The following SLC35D1 variants were observed in gnomAD, a reference collection of about 807,000 sequenced individuals.
SLC35D1 encodes solute carrier family 35 member D1, also known as nucleotide sugar transporter SLC35D1.
A neutral mutation model predicts 46.7 loss-of-function variants in SLC35D1; 31 were observed. That is an observed-to-expected ratio of 0.66 (90% confidence interval 0.50 to 0.90). The LOEUF (loss-of-function observed/expected upper bound fraction) is 0.90, where lower values mean the gene tolerates loss of function less well. Ranked by LOEUF, SLC35D1 falls within the 40% of genes least tolerant of loss-of-function variation. SLC35D1 has a pLI of 0.00. For synonymous variants in SLC35D1, 195 were observed against 164.6 expected, an observed-to-expected ratio of 1.18 and a Z score of -1.41; for missense variants, 397 against 426.2, an observed-to-expected ratio of 0.93 and a Z score of 0.60.
At chr1:66,986,233 A>G in the SLC35D1 span, 5 of 1,322,102 alleles carry the variant, frequency 3.8e-6, no homozygotes, top group South Asian at 2.3e-5. Context: ...CACAATAATC[A>G]TTGCTCTGTG....
At chr1:67,015,727 T>C (rs566870498) in intron 10 of SLC35D1, among the ~76,000 whole-genome samples, 1 of 152,164 alleles carries the variant, frequency 6.6e-6, no homozygotes, top group Non-Finnish European at 1.5e-5. Context: ...GTACTATTGA[T>C]AAAAAATAAT....
At chr1:66,977,984 G>C in the SLC35D1 span, among the ~76,000 whole-genome samples, 3 of 151,976 alleles carry the variant, frequency 2.0e-5, no homozygotes, top group Non-Finnish European at 2.9e-5. Context: ...GGATCACAAG[G>C]TCAGGAGTTT....
chr1:67,051,588 A>C (rs1645309392), intron 4 of SLC35D1, among the ~76,000 whole-genome samples: 1 of 152,206 alleles, frequency 6.6e-6, no homozygotes, highest in African/African-American at 2.4e-5. Flanking sequence ...TCACATTAAA[A>C]GAAAAACTGC....
the SLC35D1 span, chr1:66,986,532 G>A: frequency 7.7e-7 from 1 of 1,294,942 alleles, no homozygotes; most frequent in Non-Finnish European, 1.1e-6. Context: ...GTGAAGGTTT[G>A]CACTGAGAAA....
In SLC35D1 at chr1:67,021,754, C is replaced by T. The variant is rs996977539; in HGVS notation, c.730-152G>A. Reference sequence around the variant, plus strand: ...ACACACACACACACACACACACACACACACAGGTATATGTTTCCCTGAATT... The same window carrying T: ...ACACACACACACACACACACACACATACACAGGTATATGTTTCCCTGAATT... On this transcript the variant is annotated intron_variant, in intron 8 of 11. Coordinates refer to ENST00000235345, the MANE Select transcript of SLC35D1 (RefSeq NM_015139.3). 40 of 702,050 alleles carry T rather than the reference C, an allele frequency of 5.7e-5. No homozygotes were observed. The Admixed American group carries it at 7.7e-4, about 14-fold the overall frequency. The allele number at this position is 702,050 out of a possible 1,614,324, so 43.5% of individuals were successfully genotyped here. A position where few individuals can be genotyped will look rare whatever the true frequency, so the allele number is the denominator to read the frequency against.
intron 8 of SLC35D1, among the ~76,000 whole-genome samples, chr1:67,026,387 T>C (rs915928712): frequency 1.3e-5 from 2 of 152,208 alleles, no homozygotes; most frequent in Admixed American, 1.3e-4. Flanking sequence ...CCTTTTAATA[T>C]ATTGCTGGAT....
At chr1:66,982,281 T>C in the SLC35D1 span, among the ~76,000 whole-genome samples, 1 of 152,180 alleles carries the variant, frequency 6.6e-6, no homozygotes, top group Non-Finnish European at 1.5e-5. Flanking sequence ...ATACAGATCA[T>C]TGCAAAATAC....
the SLC35D1 span, among the ~76,000 whole-genome samples, chr1:66,979,098 T>G: frequency 7.0e-6 from 1 of 143,342 alleles, no homozygotes; most frequent in Non-Finnish European, 1.5e-5. Flanking sequence ...CACTGGGTTG[T>G]TTTTTTTTTA....
At chr1:67,034,051 T>A (rs1047936830) in intron 8 of SLC35D1, among the ~76,000 whole-genome samples, 1 of 152,246 alleles carries the variant, frequency 6.6e-6, no homozygotes, top group Admixed American at 6.5e-5. Context: ...CTGATCTATA[T>A]GTCTGTTTTT....
chr1:66,993,895 A>C, the SLC35D1 span, among the ~76,000 whole-genome samples: 2 of 152,218 alleles, frequency 1.3e-5, no homozygotes, highest in South Asian at 4.1e-4. Flanking sequence ...TCTTGGAAAC[A>C]TAAGTTAGTC....
chr1:67,053,857 A>C lies in SLC35D1; in HGVS notation c.157T>G (p.Ser53Ala), dbSNP rs940923248. The C allele has an allele frequency of 1.2e-6, 2 of 1,613,238 alleles. No homozygotes were observed. The highest frequency in any genetic ancestry group is 1.7e-6 in the Non-Finnish European group (2 of 1,179,574). ...TTATTCACCACCACGATCAGGAAGG[A>C]GCTCACGCCGTAAAAGCCGGCGGCC... ...LLAAGFYGVS[S>A]FLIVVVNKSV... Residue 53 changes from serine (S) to alanine (A), a missense_variant, in exon 1 of 12, where the codon TCC becomes GCC. Ser to Ala is a moderately conservative substitution (Grantham distance 99, BLOSUM62 1). Coordinates refer to ENST00000235345, the MANE Select transcript of SLC35D1 (RefSeq NM_015139.3).
At chr1:66,976,652 G>T in the SLC35D1 span, 1 of 1,607,710 alleles carries the variant, frequency 6.2e-7, no homozygotes. Context: ...GAAAAAATCT[G>T]AACGTTATGA....
chr1:66,999,350 T>C lies in SLC35D1; in HGVS notation c.*4990A>G, dbSNP rs768059383. On this transcript the variant is annotated 3_prime_UTR_variant, in exon 12 of 12. Coordinates refer to ENST00000235345, the MANE Select transcript of SLC35D1 (RefSeq NM_015139.3). ...TTCTGGCTCTGGATTAGTCTCTGTA[T>C]GCAGTTACAAAGGAATTTTAATACT... 4 of 152,372 alleles carry C rather than the reference T, an allele frequency of 2.6e-5. No homozygotes were observed. Among genetic ancestry groups the C allele is most frequent in the Non-Finnish European group, 4.4e-5 (3 of 68,042 alleles). 9.4% of individuals were successfully genotyped at this position (152,372 alleles called of 1,614,324 possible).
rs747114881 is a variant in SLC35D1 at position 67,008,311 on chromosome 1, G to T, written c.959+774C>A. 5.5e-5 allele frequency: 37 copies of T among 667,826 alleles called. No homozygotes were observed. The South Asian group carries it at 6.0e-4, about 11-fold the overall frequency. The allele number at this position is 667,826 out of a possible 1,614,324, so 41.4% of individuals were successfully genotyped here. A position where few individuals can be genotyped will look rare whatever the true frequency, so the allele number is the denominator to read the frequency against. On this transcript the variant is annotated intron_variant, in intron 11 of 11. Transcript: ENST00000235345. ...CTGCCACCACATCCAGCTAATTTTT[G>T]TATTTTTAGTAGAGACGGGGTATCA... is the stretch of plus-strand genomic sequence containing the variant.
chr1:66,984,574 G>A, the SLC35D1 span: 1 of 1,578,388 alleles, frequency 6.3e-7, no homozygotes, highest in Non-Finnish European at 8.6e-7. Flanking sequence ...CAACTTAGGA[G>A]TGTCATCTAA....
chr1:67,013,158 A>ATATATATATACATATATATATATATATG lies in SLC35D1; in HGVS notation c.877-3992_877-3991insCATATATATATATATATGTATATATATA, dbSNP rs1553264897. ...TAATTTAAGAACATATATCCTGGAG[A>ATATATATATACATATATATATATATATG]TATATATATATCCTGTTCTTAAATT... On this transcript the variant is annotated intron_variant, in intron 10 of 11. Transcript: ENST00000235345. Among the ~76,000 whole-genome samples the ATATATATATACATATATATATATATATG allele has an allele frequency of 1.2e-4, 12 of 103,642 alleles. 3 individuals are homozygous for ATATATATATACATATATATATATATATG. Among genetic ancestry groups the ATATATATATACATATATATATATATATG allele is most frequent in the African/African-American group, 5.1e-4 (9 of 17,744 alleles). The allele number at this position is 103,642 out of a possible 152,430, so 68.0% of individuals were successfully genotyped here. A position where few individuals can be genotyped will look rare whatever the true frequency, so the allele number is the denominator to read the frequency against.
chr1:67,038,601 T>C (rs1205927789), intron 8 of SLC35D1, among the ~76,000 whole-genome samples: 2 of 152,202 alleles, frequency 1.3e-5, no homozygotes, highest in Admixed American at 1.3e-4. Flanking sequence ...ACACAATCTG[T>C]ACTGATGCTT....
chr1:67,008,552 A>G, intron 11 of SLC35D1: 1 of 907,888 alleles, frequency 1.1e-6, no homozygotes, highest in South Asian at 1.6e-5. Flanking sequence ...TTCCAAATCT[A>G]TTGAATCTAC....
intron 11 of SLC35D1, chr1:67,008,431 C>T (rs1667494498): frequency 7.8e-7 from 1 of 1,288,388 alleles, no homozygotes; most frequent in African/African-American, 1.5e-5. Flanking sequence ...TCACAGAGAC[C>T]TCTGTGGCAG....
Sources: allele counts gnomAD v4.1 joint callset (sites outside exome capture counted in the v4.1 genomes callset), GRCh38; gene constraint gnomAD v4.1.1; transcripts MANE v1.5; gene names NCBI Gene and HGNC (gene_info 2026-07-23, HGNC 2026-07-21).